Variants in KDM4C observed in about 807,000 individuals in gnomAD.
The protein encoded by KDM4C is lysine demethylase 4C, also known as lysine-specific demethylase 4C.
Under a neutral mutation model 129.3 loss-of-function variants are expected in KDM4C, and 81 were observed. The ratio of observed to expected loss-of-function variants is 0.63; its 90% CI spans 0.52 to 0.75. KDM4C has a LOEUF of 0.75. KDM4C is among the 30% of genes least tolerant of loss of function. The pLI is 0.00. For synonymous variants in KDM4C, 573 were observed against 456.1 expected, an observed-to-expected ratio of 1.26 and a Z score of -3.26; for missense variants, 1,457 against 1,304.0, an observed-to-expected ratio of 1.12 and a Z score of -1.81.
At chr9:6,802,743 A>C (rs1176578037) in intron 2 of KDM4C, among the ~76,000 whole-genome samples, 1 of 152,178 alleles carries the variant, frequency 6.6e-6, no homozygotes, top group Non-Finnish European at 1.5e-5. Context: ...AGGAGCTTGG[A>C]CTACAGGCAT....
chr9:7,017,588 T>G (rs998669768), intron 15 of KDM4C, among the ~76,000 whole-genome samples: 1 of 152,228 alleles, frequency 6.6e-6, no homozygotes. Flanking sequence ...AGTTTTACCT[T>G]AATTTTTCTT....
At chr9:6,807,989 TGG>T (rs1305132228) in intron 3 of KDM4C, among the ~76,000 whole-genome samples, 38 of 41,306 alleles carry the variant, frequency 9.2e-4, no homozygotes, top group African/African-American at 1.3e-3. Flanking sequence ...GGGAGGGAGG[TGG>T]GGGGGGTCAG....
At chr9:6,740,026 A>T (rs987671500) in intron 1 of KDM4C, among the ~76,000 whole-genome samples, 2 of 151,774 alleles carry the variant, frequency 1.3e-5, no homozygotes, top group East Asian at 1.9e-4. Flanking sequence ...AGCAGCTGGG[A>T]CTACAGGCGC....
At chr9:7,015,259 T>A (rs185825143) in intron 14 of KDM4C, among the ~76,000 whole-genome samples, 32 of 152,270 alleles carry the variant, frequency 2.1e-4, no homozygotes, top group Admixed American at 1.8e-3. Context: ...ATTTAAATAT[T>A]TCAGAATTCT....
At chr9:7,057,911 A>T (rs938403651) in intron 17 of KDM4C, among the ~76,000 whole-genome samples, 13 of 152,216 alleles carry the variant, frequency 8.5e-5, no homozygotes, top group African/African-American at 2.9e-4. Context: ...GAGCACGGAC[A>T]TCGCATGTTG....
At chr9:7,024,554 A>T (rs533915713) in intron 15 of KDM4C, among the ~76,000 whole-genome samples, 1 of 151,196 alleles carries the variant, frequency 6.6e-6, no homozygotes, top group Non-Finnish European at 1.5e-5. Flanking sequence ...TCATTGTTCA[A>T]TTCCCACCTG....
chr9:6,952,134 A>T (rs7868759), intron 8 of KDM4C, among the ~76,000 whole-genome samples: 109,246 of 151,446 alleles, frequency 0.72, 39,793 homozygotes, highest in East Asian at 1. Context: ...TGTGTGAAAA[A>T]TTACAAAATG....
intron 4 of KDM4C, among the ~76,000 whole-genome samples, chr9:6,838,877 A>G (rs1836376416): frequency 6.6e-6 from 1 of 152,228 alleles, no homozygotes; most frequent in Non-Finnish European, 1.5e-5. Flanking sequence ...TCCTCAGTCT[A>G]TATTAAAGTG....
chr9:6,803,382 C>T (rs1040618390), intron 2 of KDM4C, among the ~76,000 whole-genome samples: 13 of 151,780 alleles, frequency 8.6e-5, no homozygotes, highest in African/African-American at 2.7e-4. Context: ...ACCATCCTGG[C>T]CAACATGGTG....
chr9:6,932,055 A>G (rs1256263387), intron 8 of KDM4C, among the ~76,000 whole-genome samples: 1 of 152,198 alleles, frequency 6.6e-6, no homozygotes, highest in Non-Finnish European at 1.5e-5. Context: ...GACTATTGTG[A>G]GTCACTTGTT....
intron 19 of KDM4C, among the ~76,000 whole-genome samples, chr9:7,151,986 G>C (rs1842775423): frequency 6.6e-6 from 1 of 152,202 alleles, no homozygotes; most frequent in South Asian, 2.1e-4. Context: ...TAACCTCCTA[G>C]AACAGCAGTT....
intron 4 of KDM4C, among the ~76,000 whole-genome samples, chr9:6,827,959 C>A (rs1834160314): frequency 1.3e-5 from 2 of 152,196 alleles, no homozygotes; most frequent in Non-Finnish European, 2.9e-5. Context: ...GGTCACATTG[C>A]ATCCAGAATG....
In KDM4C at chr9:6,889,211, T is replaced by TGTGTGTGTGTGTGTG. The variant is rs1845737956; in HGVS notation, c.783+1148_783+1149insGTGTGTGTGTGTGTG. ...TTAGGTTCTTACTGTGGCCTTCTTT[T>TGTGTGTGTGTGTGTG]TGTGTGTGTGTGTGTGTGTGTGTGT... On this transcript the variant is annotated intron_variant, in intron 7 of 21. Coordinates refer to ENST00000381309, the MANE Select transcript of KDM4C (RefSeq NM_015061.6). Among the ~76,000 whole-genome samples the TGTGTGTGTGTGTGTG allele has an allele frequency of 8.1e-5, 5 of 61,616 alleles. 1 individual carries two copies. The highest frequency in any genetic ancestry group is 1.8e-3 in the South Asian group (2 of 1,082). The allele number at this position is 61,616 out of a possible 152,430, so 40.4% of individuals were successfully genotyped here.
intron 8 of KDM4C, among the ~76,000 whole-genome samples, chr9:6,911,931 G>A (rs892357678): frequency 1.1e-4 from 16 of 152,284 alleles, no homozygotes; most frequent in African/African-American, 3.8e-4. Context: ...AGGCCCTTCT[G>A]CAGGGTTGCT....
intron 1 of KDM4C, chr9:6,727,303 T>C (rs1043450749): frequency 6.6e-6 from 1 of 151,216 alleles, no homozygotes; most frequent in Non-Finnish European, 1.5e-5. Flanking sequence ...ATACAAAAAT[T>C]AGCCAGGTGT....
At chr9:6,803,751 GAA>G (rs869296822) in intron 2 of KDM4C, among the ~76,000 whole-genome samples, 1 of 65,120 alleles carries the variant, frequency 1.5e-5, no homozygotes, top group Non-Finnish European at 2.9e-5. Context: ...GTAACAAAAA[GAA>G]AAAAAAAAAA....
chr9:6,914,216 T>C (rs534932095), intron 8 of KDM4C, among the ~76,000 whole-genome samples: 24 of 152,018 alleles, frequency 1.6e-4, no homozygotes, highest in Admixed American at 5.9e-4. Flanking sequence ...TGCGCCACCA[T>C]GTTCAGTTAA....
intron 12 of KDM4C, among the ~76,000 whole-genome samples, chr9:6,992,746 G>T (rs1279176740): frequency 6.6e-6 from 1 of 152,178 alleles, no homozygotes; most frequent in Non-Finnish European, 1.5e-5. Context: ...TCCTTTGGGG[G>T]ATTTTCTGTC....
intron 8 of KDM4C, chr9:6,925,279 T>C (rs1036054807): frequency 1.3e-5 from 13 of 985,080 alleles, no homozygotes; most frequent in African/African-American, 1.7e-5. Flanking sequence ...GTAGTTACTA[T>C]GGGAAAATAT....
Sources: gnomAD v4.1 joint callset for allele counts (sites outside exome capture counted in the v4.1 genomes callset) on GRCh38, gnomAD v4.1.1 for gene constraint, MANE v1.5 for transcripts, NCBI Gene and HGNC (gene_info 2026-07-23, HGNC 2026-07-21) for gene names.